The following STK39 variants were observed in gnomAD, a reference collection of about 807,000 sequenced individuals.
STK39 encodes STE20/SPS1-related proline-alanine-rich protein kinase.
Under a neutral mutation model 77.8 loss-of-function variants are expected in STK39, and 20 were observed. The observed-to-expected ratio is 0.26, with a 90% CI of 0.18 to 0.37. The LOEUF is 0.37. STK39 is among the 10% of genes least tolerant of loss of function. STK39 has a pLI of 1.00. For missense variants in STK39, 479 were observed against 656.5 expected (o/e 0.73, Z 2.95); for synonymous variants, 246 against 234.1 (o/e 1.05, Z -0.47).
chr2:168,166,010 C>T (rs1217956058), intron 3 of STK39, among the ~76,000 whole-genome samples: 3 of 152,160 alleles, frequency 2.0e-5, no homozygotes, highest in Non-Finnish European at 2.9e-5. Context: ...AAGGAAATCA[C>T]TTGGGCTTTC....
intron 12 of STK39, among the ~76,000 whole-genome samples, chr2:168,073,573 C>G (rs999063798): frequency 6.6e-6 from 1 of 152,078 alleles, no homozygotes; most frequent in African/African-American, 2.4e-5. Context: ...ATGTGTTCCA[C>G]GTGGGGCTCA....
At chr2:168,185,719 A>G (rs1559137819) in intron 1 of STK39, among the ~76,000 whole-genome samples, 1 of 152,226 alleles carries the variant, frequency 6.6e-6, no homozygotes, top group Non-Finnish European at 1.5e-5. Context: ...TGCAGTTTCA[A>G]CAGTATGTTC....
At chr2:168,153,604 A>G (rs1287761421) in intron 5 of STK39, among the ~76,000 whole-genome samples, 1 of 149,338 alleles carries the variant, frequency 6.7e-6, no homozygotes, top group Non-Finnish European at 1.5e-5. Flanking sequence ...TACAATAAAG[A>G]AAACAGAGCA....
At chr2:168,218,160 C>A (rs560072901) in intron 1 of STK39, among the ~76,000 whole-genome samples, 1 of 152,308 alleles carries the variant, frequency 6.6e-6, no homozygotes, top group African/African-American at 2.4e-5. Flanking sequence ...AACTAGACCA[C>A]ATAAATTGGA....
At chr2:168,196,338 C>T (rs1203693395) in intron 1 of STK39, among the ~76,000 whole-genome samples, 5 of 152,156 alleles carry the variant, frequency 3.3e-5, no homozygotes, top group African/African-American at 9.7e-5. Flanking sequence ...CTAGAGTTTA[C>T]ATTTTATGTG....
intron 16 of STK39, among the ~76,000 whole-genome samples, chr2:168,011,041 T>C (rs930670177): frequency 9.2e-5 from 14 of 152,234 alleles, no homozygotes; most frequent in Admixed American, 5.9e-4. Flanking sequence ...CTCACGCCTG[T>C]AATCCCAGCA....
At chr2:168,208,970 T>C (rs898368118) in intron 1 of STK39, among the ~76,000 whole-genome samples, 1 of 152,188 alleles carries the variant, frequency 6.6e-6, no homozygotes, top group Admixed American at 6.5e-5. Flanking sequence ...GTGGGGTTGT[T>C]TGCTACCATA....
At chr2:168,018,538 AAAAGAAAG>A (rs60121657) in intron 14 of STK39, among the ~76,000 whole-genome samples, 4,618 of 85,364 alleles carry the variant, frequency 0.054, 131 homozygotes, top group Middle Eastern at 0.086. Context: ...GAAAAGAAAG[AAAAGAAAG>A]AAAGAAAGAA....
In STK39 at chr2:168,242,505, C is replaced by CGCCACT. The variant is rs1456167754; in HGVS notation, c.208+4717_208+4722dup. The stretch of plus-strand genomic sequence containing the variant: ...CAGAGGCTGCAGTGAACTGAGATGG[C>CGCCACT]GCCACTGCAATCTAGCCCAGGCAAC... On this transcript the variant is annotated intron_variant, in intron 1 of 17. Coordinates refer to ENST00000355999, the MANE Select transcript of STK39 (RefSeq NM_013233.3). Among the ~76,000 whole-genome samples, 181 of 137,862 alleles carry CGCCACT rather than the reference C, an allele frequency of 1.3e-3. 2 individuals carry two copies. The highest frequency in any genetic ancestry group is 8.8e-3 in the Middle Eastern group (2 of 226). The allele number at this position is 137,862 out of a possible 152,430, so 90.4% of individuals were successfully genotyped here.
intron 1 of STK39, among the ~76,000 whole-genome samples, chr2:168,199,267 C>T (rs1336242710): frequency 1.3e-5 from 2 of 152,202 alleles, no homozygotes; most frequent in Non-Finnish European, 1.5e-5. Flanking sequence ...TGGAGCAGCA[C>T]GTCACCTCTT....
intron 14 of STK39, among the ~76,000 whole-genome samples, chr2:168,034,724 C>T (rs958295074): frequency 1.8e-4 from 27 of 152,208 alleles, no homozygotes; most frequent in African/African-American, 6.5e-4. Flanking sequence ...ACGCTCCTGG[C>T]AACCAGTGAC....
chr2:168,135,900 G>A (rs1221120375), intron 8 of STK39, among the ~76,000 whole-genome samples: 2 of 151,484 alleles, frequency 1.3e-5, no homozygotes, highest in African/African-American at 4.9e-5. Flanking sequence ...TTAATACTTT[G>A]TACATCAACA....
In STK39 at chr2:168,129,535, A is replaced by G. The variant is rs1163067091; in HGVS notation, c.1089+6T>C. ...CTACAGGGTCATGAAGGCTAATGGC[A>G]CTTACCTTTTTGGCTCTTTGGGCTA... On this transcript the variant is annotated splice_donor_region_variant and intron_variant, in intron 10 of 17. Transcript: ENST00000355999. The G allele has an allele frequency of 6.2e-7, 1 of 1,613,860 alleles. No homozygotes were observed. Among genetic ancestry groups the G allele is most frequent in the Non-Finnish European group, 8.5e-7 (1 of 1,179,928 alleles).
intron 14 of STK39, among the ~76,000 whole-genome samples, chr2:168,041,127 GAGGAGCT>G (rs1421284286): frequency 6.6e-6 from 1 of 152,138 alleles, no homozygotes; most frequent in African/African-American, 2.4e-5. Context: ...GTGTGTCCAG[GAGGAGCT>G]GTGTTTTTAA....
At chr2:167,968,523 G>T (rs190653945) in intron 16 of STK39, among the ~76,000 whole-genome samples, 2 of 152,322 alleles carry the variant, frequency 1.3e-5, no homozygotes, top group East Asian at 3.9e-4. Flanking sequence ...AATTCTAGCT[G>T]TTTCCAAACA....
intron 1 of STK39, among the ~76,000 whole-genome samples, chr2:168,187,791 CTT>C: frequency 6.6e-6 from 1 of 152,176 alleles, no homozygotes; most frequent in South Asian, 2.1e-4. Flanking sequence ...ACATCTAGTA[CTT>C]TTTTTAAAAA....
chr2:168,246,997 TCA>T (rs1291726263), intron 1 of STK39, among the ~76,000 whole-genome samples: 1 of 136,004 alleles, frequency 7.4e-6, no homozygotes, highest in African/African-American at 2.8e-5. Context: ...GCAGTGCGAG[TCA>T]CATCCGCCGC....
At chr2:168,075,844 T>C in intron 10 of STK39, among the ~76,000 whole-genome samples, 1 of 152,296 alleles carries the variant, frequency 6.6e-6, no homozygotes, top group East Asian at 1.9e-4. Context: ...GTAGCACTTA[T>C]GAGACCTGTG....
intron 14 of STK39, among the ~76,000 whole-genome samples, chr2:168,024,860 G>C (rs900688231): frequency 6.6e-6 from 1 of 152,148 alleles, no homozygotes. Flanking sequence ...ATAAAGAATA[G>C]ATCCAAAATC....
Sources: allele counts gnomAD v4.1 joint callset (sites outside exome capture counted in the v4.1 genomes callset), GRCh38; gene constraint gnomAD v4.1.1; transcripts MANE v1.5; gene names NCBI Gene and HGNC (gene_info 2026-07-23, HGNC 2026-07-21).